Variants in STIL observed in about 807,000 individuals in gnomAD.
The protein encoded by STIL is SCL-interrupting locus protein.
In STIL, 55 loss-of-function variants were observed where a neutral mutation model predicts 110.1. The observed-to-expected ratio is 0.50, with a 90% CI of 0.40 to 0.63. The LOEUF (loss-of-function observed/expected upper bound fraction) is 0.63, where lower values mean the gene tolerates loss of function less well. Ranked by LOEUF, STIL falls within the 20% of genes least tolerant of loss-of-function variation. The pLI is 0.00. For missense variants in STIL, 1,358 were observed against 1,530.0 expected (o/e 0.89, Z 1.87); for synonymous variants, 481 against 530.0 (o/e 0.91, Z 1.27).
chr1:47,271,078 G>A (rs572654787), intron 13 of STIL, among the ~76,000 whole-genome samples: 1 of 151,794 alleles, frequency 6.6e-6, no homozygotes, highest in African/African-American at 2.4e-5. Flanking sequence ...TTTTTTTACT[G>A]AGCCTCATTA....
chr1:47,293,014 T>C (rs938694607), intron 8 of STIL, among the ~76,000 whole-genome samples: 1 of 152,224 alleles, frequency 6.6e-6, no homozygotes, highest in Non-Finnish European at 1.5e-5. Context: ...TTCCAATGTT[T>C]AGGCTTCAGT....
rs1644156046 is a variant in STIL at position 47,250,472 on chromosome 1, T to C, written c.*664A>G. ...TTACCCAACACCATGATAACTTATG[T>C]TCTTTTAATGATATAGGATAAATGC... is the stretch of plus-strand genomic sequence containing the variant. On this transcript the variant is annotated 3_prime_UTR_variant, in exon 17 of 17. Transcript: ENST00000371877. The C allele has an allele frequency of 6.0e-6, 1 of 166,144 alleles. No individual in the cohort carries two copies. The allele number at this position is 166,144 out of a possible 1,614,324, so 10.3% of individuals were successfully genotyped here.
In STIL at chr1:47,295,775, A is replaced by G; in HGVS notation, c.775T>C (p.Leu259=). ...TAATGTAATACTTACATTCCCACCAATGGTAGAGAATAAACCTTGGGATCA... is the reference window on the plus strand; with the variant it reads ...TAATGTAATACTTACATTCCCACCAGTGGTAGAGAATAAACCTTGGGATCA... The part of the protein sequence containing the change: ...ESDPKVYSLP[L]VGIWLSGITH... The change falls in exon 7 of 17, where the codon TTG becomes CTG. Residue 259 remains leucine (L), a synonymous_variant. Coordinates refer to ENST00000371877, the MANE Select transcript of STIL (RefSeq NM_001048166.1). 6.2e-7 allele frequency: 1 copy of G among 1,609,642 alleles called. No homozygotes were observed. The highest frequency in any genetic ancestry group is 2.2e-5 in the East Asian group (1 of 44,738).
At chr1:47,303,764 T>C (rs1645873591) in intron 3 of STIL, among the ~76,000 whole-genome samples, 1 of 152,188 alleles carries the variant, frequency 6.6e-6, no homozygotes, top group African/African-American at 2.4e-5. Context: ...GTACCACCCT[T>C]CTCTGCCAAC....
intron 13 of STIL, among the ~76,000 whole-genome samples, chr1:47,271,317 C>A (rs2758744): frequency 6.6e-6 from 1 of 151,896 alleles, no homozygotes; most frequent in African/African-American, 2.4e-5. Flanking sequence ...GCCTGTAATA[C>A]AATCCCAGCC....
At chr1:47,277,011 TAACA>T (rs1474881839) in intron 12 of STIL, among the ~76,000 whole-genome samples, 2 of 152,072 alleles carry the variant, frequency 1.3e-5, no homozygotes, top group Non-Finnish European at 2.9e-5. Flanking sequence ...CTCATTCAAG[TAACA>T]AACTATGTAT....
In STIL at chr1:47,299,912, T is replaced by G. The variant is rs1645753402; in HGVS notation, c.694A>C (p.Lys232Gln). ...AATGTATCTTTTACTTACCCATATTTATAAGTCCCTTGAACTTGAGAAATA... is the reference window on the plus strand; with the variant it reads ...AATGTATCTTTTACTTACCCATATTGATAAGTCCCTTGAACTTGAGAAATA... The part of the protein sequence containing the change: ...LNISQVQGTY[K>Q]YGYLTMDETR... Residue 232 changes from lysine to glutamine, a missense_variant, in exon 6 of 17, where the codon AAA becomes CAA. Lys to Gln is a moderately conservative substitution (Grantham distance 53). Transcript: ENST00000371877. 1 of 1,613,704 alleles carries G rather than the reference T, an allele frequency of 6.2e-7. No homozygotes were observed. Among genetic ancestry groups the G allele is most frequent in the African/African-American group, 1.3e-5 (1 of 74,920 alleles).
At chr1:47,291,365 A>C (rs1645484317) in intron 8 of STIL, among the ~76,000 whole-genome samples, 1 of 151,962 alleles carries the variant, frequency 6.6e-6, no homozygotes, top group African/African-American at 2.4e-5. Flanking sequence ...CATCTCAAAA[A>C]AAATAAGTAA....
chr1:47,294,598 TCACCTGAAC>T (rs1645588680), intron 7 of STIL, among the ~76,000 whole-genome samples: 1 of 152,142 alleles, frequency 6.6e-6, no homozygotes, highest in African/African-American at 2.4e-5. Context: ...GGTGGGAGGA[TCACCTGAAC>T]CCCAGAGATT....
chr1:47,311,813 G>A (rs1282879669), intron 1 of STIL, among the ~76,000 whole-genome samples: 1 of 152,134 alleles, frequency 6.6e-6, no homozygotes, highest in African/African-American at 2.4e-5. Flanking sequence ...TTGGGAGGCC[G>A]AGGTGGGTGG....
chr1:47,271,666 C>T (rs1173696279), intron 13 of STIL, among the ~76,000 whole-genome samples: 1 of 150,788 alleles, frequency 6.6e-6, no homozygotes, highest in Non-Finnish European at 1.5e-5. Context: ...ACTGGCTGGA[C>T]GCGGTGGCTC....
chr1:47,294,540 C>A (rs936501424), intron 7 of STIL, among the ~76,000 whole-genome samples: 1 of 152,166 alleles, frequency 6.6e-6, no homozygotes, highest in African/African-American at 2.4e-5. Flanking sequence ...CAAAACCTAG[C>A]CAGGCGTGAT....
rs766608714 is a variant in STIL at position 47,299,941 on chromosome 1, A to C, written c.665T>G (p.Leu222Arg). The C allele has an allele frequency of 6.2e-7, 1 of 1,614,052 alleles. No homozygotes were observed. The highest frequency in any genetic ancestry group is 1.1e-5 in the South Asian group (1 of 91,086). The change falls in exon 6 of 17, where the codon CTG (leucine) becomes CGG (arginine). Residue 222 changes from leucine to arginine, a missense_variant. Transcript: ENST00000371877. Reference sequence around the variant, plus strand: ...AGTCCCTTGAACTTGAGAAATATTCAGATTACTGCTCAAGTTTCTTGCCAG... The same window carrying C: ...AGTCCCTTGAACTTGAGAAATATTCCGATTACTGCTCAAGTTTCTTGCCAG... ...TALARNLSSNLNISQVQGTYK... is the reference protein window; with the variant it reads ...TALARNLSSNRNISQVQGTYK...
At chr1:47,290,502 G>C (rs1187430599) in intron 8 of STIL, among the ~76,000 whole-genome samples, 1 of 151,984 alleles carries the variant, frequency 6.6e-6, no homozygotes, top group Admixed American at 6.6e-5. Context: ...CCAGGAGATC[G>C]AGACCATCCT....
At chr1:47,259,133 C>A (rs1032798543) in intron 16 of STIL, among the ~76,000 whole-genome samples, 3 of 150,812 alleles carry the variant, frequency 2.0e-5, no homozygotes, top group African/African-American at 7.3e-5. Flanking sequence ...ACTACAGGCG[C>A]CCACCACCAC....
rs779352379 is a variant in STIL, at chr1:47,260,310, G to T, written c.3059C>A (p.Ala1020Glu). Reference sequence around the variant, plus strand: ...TTACCTGGCGTGATCCACGTTATGTGCATTTTTCTTCACTTTAGTGGGAGA... The same window carrying T: ...TTACCTGGCGTGATCCACGTTATGTTCATTTTTCTTCACTTTAGTGGGAGA... ...IDSPTKVKKN[A>E]HNVDHASVLA... is the part of the protein sequence containing the mutation. The change falls in exon 16 of 17, where the codon GCA (alanine) becomes GAA (glutamate). Residue 1020 changes from alanine (A) to glutamate (E), a missense_variant. Transcript: ENST00000371877. 6.2e-7 allele frequency: 1 copy of T among 1,613,976 alleles called. No homozygotes were observed. The highest frequency in any genetic ancestry group is 8.5e-7 in the Non-Finnish European group (1 of 1,179,988).
intron 15 of STIL, among the ~76,000 whole-genome samples, chr1:47,262,505 ACTGT>A (rs1644514297): frequency 6.6e-6 from 1 of 152,208 alleles, no homozygotes; most frequent in South Asian, 2.1e-4. Context: ...CACTTAGCCT[ACTGT>A]CTTAGACTAA....
intron 6 of STIL, among the ~76,000 whole-genome samples, chr1:47,297,310 A>G (rs1382055165): frequency 1.3e-5 from 2 of 150,640 alleles, no homozygotes; most frequent in Non-Finnish European, 2.9e-5. Context: ...GTGCCACTGC[A>G]CTCCAGCCTG....
At chr1:47,283,769 CTTTT>C (rs1645213518) in intron 10 of STIL, 1 of 151,994 alleles carries the variant, frequency 6.6e-6, no homozygotes, top group Admixed American at 6.6e-5. Context: ...CAATTACTAA[CTTTT>C]TTAAGTTACA....
Sources: allele counts gnomAD v4.1 joint callset (sites outside exome capture counted in the v4.1 genomes callset), GRCh38; gene constraint gnomAD v4.1.1; transcripts MANE v1.5; gene names NCBI Gene and HGNC (gene_info 2026-07-23, HGNC 2026-07-21).